RPS6KC1: variants seen among roughly 807,000 people sequenced by gnomAD.
RPS6KC1 encodes the protein inactive ribosomal protein S6 kinase delta-1.
In RPS6KC1, 54 loss-of-function variants were observed where a neutral mutation model predicts 103.8. That is an observed-to-expected ratio of 0.52 (90% CI 0.42 to 0.65). The LOEUF is 0.65. Ranked by LOEUF, RPS6KC1 falls within the 30% of genes least tolerant of loss-of-function variation. The pLI is 0.00. For missense variants in RPS6KC1, 1,151 were observed against 1,253.8 expected (o/e 0.92, Z 1.24); for synonymous variants, 439 against 438.7 (o/e 1.00, Z -0.01).
chr1:213,200,164 C>A (rs2093104341), intron 8 of RPS6KC1, among the ~76,000 whole-genome samples: 1 of 152,060 alleles, frequency 6.6e-6, no homozygotes, highest in Non-Finnish European at 1.5e-5. Flanking sequence ...CAAAAAGGAA[C>A]CTGAATAGCT....
intron 8 of RPS6KC1, among the ~76,000 whole-genome samples, chr1:213,176,996 C>A (rs1267702516): frequency 6.6e-6 from 1 of 152,212 alleles, no homozygotes; most frequent in East Asian, 1.9e-4. Context: ...AATAACTTGG[C>A]CCAAAGTCAC....
the RPS6KC1 span, among the ~76,000 whole-genome samples, chr1:213,602,084 CTT>C: frequency 1.3e-4 from 5 of 37,962 alleles, no homozygotes; most frequent in African/African-American, 3.3e-4. Flanking sequence ...CTTTCTCTTT[CTT>C]TCTTTCTTTC....
At chr1:213,760,877 C>T in the RPS6KC1 span, among the ~76,000 whole-genome samples, 2 of 145,176 alleles carry the variant, frequency 1.4e-5, no homozygotes, top group Admixed American at 6.9e-5. Flanking sequence ...TGCCTCAGCT[C>T]ACTGGCTGCT....
chr1:213,151,768 C>T (rs2088999541), intron 6 of RPS6KC1, among the ~76,000 whole-genome samples: 1 of 131,346 alleles, frequency 7.6e-6, no homozygotes, highest in Non-Finnish European at 1.6e-5. Context: ...AGGCGGCTGG[C>T]CTGGCGGGGG....
chr1:213,092,685 A>AAGAAAT (rs1321866645), intron 3 of RPS6KC1, among the ~76,000 whole-genome samples: 1 of 149,870 alleles, frequency 6.7e-6, no homozygotes, highest in Admixed American at 6.6e-5. Context: ...AAAAAAAAAA[A>AAGAAAT]AGAAATACAC....
At chr1:213,084,848 A>G (rs2080234479) in intron 3 of RPS6KC1, among the ~76,000 whole-genome samples, 1 of 152,148 alleles carries the variant, frequency 6.6e-6, no homozygotes, top group African/African-American at 2.4e-5. Flanking sequence ...GTTCTAGGTT[A>G]TGAATTCTTC....
At chr1:213,617,339 T>C in the RPS6KC1 span, among the ~76,000 whole-genome samples, 7 of 152,292 alleles carry the variant, frequency 4.6e-5, no homozygotes, top group African/African-American at 1.4e-4. Flanking sequence ...GTGTTTGCTT[T>C]AGCCAAATGT....
chr1:213,692,169 AAGAC>A, the RPS6KC1 span, among the ~76,000 whole-genome samples: 1 of 152,134 alleles, frequency 6.6e-6, no homozygotes, highest in Non-Finnish European at 1.5e-5. Flanking sequence ...TTGGGAGGCC[AAGAC>A]AGACAGATCA....
chr1:213,810,488 A>G, the RPS6KC1 span, among the ~76,000 whole-genome samples: 4 of 152,212 alleles, frequency 2.6e-5, no homozygotes, highest in African/African-American at 7.2e-5. Flanking sequence ...GAAAACCATG[A>G]GGAATGAACT....
intron 8 of RPS6KC1, among the ~76,000 whole-genome samples, chr1:213,191,029 A>G (rs952475651): frequency 6.6e-6 from 1 of 152,202 alleles, no homozygotes; most frequent in Non-Finnish European, 1.5e-5. Context: ...TGCCAGTACC[A>G]TGCCATTTTG....
intron 12 of RPS6KC1, among the ~76,000 whole-genome samples, chr1:213,251,102 CTTTT>C (rs1235280521): frequency 3.0e-5 from 3 of 100,216 alleles, no homozygotes; most frequent in Admixed American, 1.3e-4. Flanking sequence ...GGTTTTTCAG[CTTTT>C]TTTTTTTTTT....
At chr1:213,385,766 G>T in the RPS6KC1 span, among the ~76,000 whole-genome samples, 1 of 152,176 alleles carries the variant, frequency 6.6e-6, no homozygotes, top group Non-Finnish European at 1.5e-5. Flanking sequence ...TGAGGCCTCT[G>T]TTCCACTTCC....
intron 12 of RPS6KC1, among the ~76,000 whole-genome samples, chr1:213,260,536 G>T (rs2094761567): frequency 6.6e-6 from 1 of 152,098 alleles, no homozygotes; most frequent in Admixed American, 6.5e-5. Context: ...TGGTTAAAAG[G>T]CTAGGCACCT....
At chr1:213,128,329 A>G (rs902647808) in intron 5 of RPS6KC1, among the ~76,000 whole-genome samples, 5 of 152,214 alleles carry the variant, frequency 3.3e-5, no homozygotes, top group Admixed American at 6.5e-5. Flanking sequence ...CATAAAAATT[A>G]TGTTAACATG....
At chr1:213,174,721 CA>C (rs1220591815) in intron 7 of RPS6KC1, among the ~76,000 whole-genome samples, 4 of 147,340 alleles carry the variant, frequency 2.7e-5, no homozygotes, top group African/African-American at 1.0e-4. Flanking sequence ...TGTCTGTTTA[CA>C]TATTATAACA....
At chr1:213,755,470 G>A in the RPS6KC1 span, among the ~76,000 whole-genome samples, 9 of 152,178 alleles carry the variant, frequency 5.9e-5, no homozygotes, top group East Asian at 1.3e-3. Context: ...TTGCAAATGT[G>A]TAGGTCCCAC....
At chr1:213,781,071 T>C in the RPS6KC1 span, among the ~76,000 whole-genome samples, 1 of 151,870 alleles carries the variant, frequency 6.6e-6, no homozygotes, top group African/African-American at 2.4e-5. Flanking sequence ...TCAATCTAGA[T>C]TGAGAAAGAG....
the RPS6KC1 span, among the ~76,000 whole-genome samples, chr1:213,452,592 G>T: frequency 1.3e-5 from 2 of 152,048 alleles, no homozygotes; most frequent in African/African-American, 4.8e-5. Context: ...AAAGAACTTG[G>T]TACAGAATTA....
the RPS6KC1 span, among the ~76,000 whole-genome samples, chr1:213,631,781 T>C: frequency 6.9e-6 from 1 of 145,260 alleles, no homozygotes; most frequent in South Asian, 2.3e-4. Context: ...AGTTAAAATA[T>C]AACATTATTT....
Sources: gnomAD v4.1 joint callset for allele counts (sites outside exome capture counted in the v4.1 genomes callset) on GRCh38, gnomAD v4.1.1 for gene constraint, MANE v1.5 for transcripts, NCBI Gene and HGNC (gene_info 2026-07-23, HGNC 2026-07-21) for gene names.